Variants in TTPA observed in about 807,000 individuals in gnomAD.
TTPA encodes the protein alpha-tocopherol transfer protein.
Under a neutral mutation model 25.9 loss-of-function variants are expected in TTPA, and 23 were observed. The observed-to-expected ratio is 0.89, with a 90% CI of 0.64 to 1.26. The LOEUF is 1.26. Ranked by LOEUF, TTPA falls within the 50% of genes most tolerant of loss-of-function variation. TTPA has a pLI of 0.00. For synonymous variants in TTPA, 148 were observed against 137.3 expected, an observed-to-expected ratio of 1.08 and a Z score of -0.54; for missense variants, 337 against 353.1, an observed-to-expected ratio of 0.95 and a Z score of 0.37.
intron 1 of TTPA, among the ~76,000 whole-genome samples, chr8:63,081,824 G>C (rs184312251): frequency 6.6e-6 from 1 of 152,010 alleles, no homozygotes; most frequent in African/African-American, 2.4e-5. Flanking sequence ...TGCAAAAATC[G>C]CAAGCATTCC....
chr8:63,061,766 T>C (rs1454388932), intron 4 of TTPA, among the ~76,000 whole-genome samples: 1 of 152,240 alleles, frequency 6.6e-6, no homozygotes, highest in Non-Finnish European at 1.5e-5. Context: ...ACCAAACTAA[T>C]ACCTTGGGAC....
intron 1 of TTPA, among the ~76,000 whole-genome samples, chr8:63,073,501 G>A (rs527284148): frequency 6.6e-6 from 1 of 152,302 alleles, no homozygotes; most frequent in African/African-American, 2.4e-5. Flanking sequence ...AAGAAGCCTG[G>A]TACCTTCTGA....
At chr8:63,073,725 A>G (rs2129764706) in intron 1 of TTPA, among the ~76,000 whole-genome samples, 1 of 152,302 alleles carries the variant, frequency 6.6e-6, no homozygotes, top group East Asian at 1.9e-4. Context: ...TTCAGCCACT[A>G]ATTCTTGGAG....
At position 63,068,555 on chromosome 8, in the gene TTPA, G is replaced by A. The variant is rs183139854; in HGVS notation, c.359-2458C>T. Among the ~76,000 whole-genome samples the A allele has an allele frequency of 2.0e-3, 312 of 152,300 alleles. 2 individuals carry two copies. Among genetic ancestry groups the A allele is most frequent in the African/African-American group, 7.4e-3 (307 of 41,558 alleles). ...AAATCAAACTAGGGTGGGCTGAGGA[G>A]GAACTGTGAGAAAATGTGGATGGTG... On this transcript the variant is annotated intron_variant, in intron 2 of 4. Transcript: ENST00000260116.
At position 63,085,980 on chromosome 8, in the gene TTPA, G is replaced by T; in HGVS notation, c.42C>A (p.Leu14=). Residue 14 remains leucine, a synonymous_variant, in exon 1 of 5, where the codon CTC becomes CTA. Coordinates refer to ENST00000260116, the MANE Select transcript of TTPA (RefSeq NM_000370.3). The stretch of plus-strand genomic sequence containing the variant: ...ACGGAGAGTGGTCCGGTAGCGCGTT[G>T]AGCTGCGGCCCCGCCGAGGGCTGGG... The part of the protein sequence containing the change: ...ARSQPSAGPQ[L]NALPDHSPLL... The T allele has an allele frequency of 6.7e-7, 1 of 1,501,362 alleles. No homozygotes were observed. The highest frequency in any genetic ancestry group is 2.1e-5 in the Admixed American group (1 of 46,850). 93.0% of individuals were successfully genotyped at this position (1,501,362 alleles called of 1,614,324 possible). A position where few individuals can be genotyped will look rare whatever the true frequency, so the allele number is the denominator to read the frequency against.
At chr8:63,069,398 T>C (rs1805447321) in intron 2 of TTPA, among the ~76,000 whole-genome samples, 1 of 152,060 alleles carries the variant, frequency 6.6e-6, no homozygotes, top group Non-Finnish European at 1.5e-5. Context: ...GCTAATATGG[T>C]AGCCATTAGC....
At chr8:63,077,455 C>A (rs1016994689) in intron 1 of TTPA, among the ~76,000 whole-genome samples, 5 of 152,226 alleles carry the variant, frequency 3.3e-5, no homozygotes, top group African/African-American at 1.2e-4. Context: ...CACTTCCACC[C>A]AAATACTGCA....
At chr8:63,061,818 A>C (rs1222908849) in intron 4 of TTPA, among the ~76,000 whole-genome samples, 3 of 152,234 alleles carry the variant, frequency 2.0e-5, no homozygotes, top group Non-Finnish European at 4.4e-5. Flanking sequence ...GTACTAATTC[A>C]TATTAAGTAG....
At chr8:63,066,209 T>A in intron 2 of TTPA, 112 bp from the exon 3 acceptor site, 1 of 1,103,596 alleles carries the variant, frequency 9.1e-7, no homozygotes, top group Non-Finnish European at 1.3e-6. Context: ...TAAAAACATC[T>A]ACAAAGATCA....
rs186744195 is a variant in TTPA at position 63,067,986 on chromosome 8, G to A, written c.359-1889C>T. On this transcript the variant is annotated intron_variant, in intron 2 of 4. Coordinates refer to ENST00000260116, the MANE Select transcript of TTPA (RefSeq NM_000370.3). ...CTGTGTAGTACTCCATGGTGTACAC[G>A]CAGTACCATTTATTGAGATAAGAGA... Among the ~76,000 whole-genome samples the A allele has an allele frequency of 1.8e-4, 28 of 152,256 alleles. No individual in the cohort carries two copies. The East Asian group carries it at 4.2e-3, about 23-fold the overall frequency.
chr8:63,085,177 A>G (rs1805728566), intron 1 of TTPA, among the ~76,000 whole-genome samples: 1 of 152,218 alleles, frequency 6.6e-6, no homozygotes, highest in African/African-American at 2.4e-5. Flanking sequence ...GACAGAACTC[A>G]AGGTCGCATC....
At chr8:63,067,871 G>A (rs964046878) in intron 2 of TTPA, among the ~76,000 whole-genome samples, 4 of 152,164 alleles carry the variant, frequency 2.6e-5, no homozygotes, top group South Asian at 4.2e-4. Context: ...GTGGTATTTC[G>A]TTTTCTGTTC....
At chr8:63,082,570 C>A (rs576577640) in intron 1 of TTPA, among the ~76,000 whole-genome samples, 1 of 152,260 alleles carries the variant, frequency 6.6e-6, no homozygotes, top group East Asian at 1.9e-4. Context: ...ACCATTCAGG[C>A]CATAGGTGTG....
chr8:63,085,459 T>C (rs1805733766), intron 1 of TTPA, among the ~76,000 whole-genome samples: 2 of 152,254 alleles, frequency 1.3e-5, no homozygotes, highest in South Asian at 4.1e-4. Context: ...GCTGTTACTT[T>C]GTTTGTACCA....
At chr8:63,062,369 C>T (rs1805320729) in intron 4 of TTPA, among the ~76,000 whole-genome samples, 1 of 152,098 alleles carries the variant, frequency 6.6e-6, no homozygotes, top group Non-Finnish European at 1.5e-5. Flanking sequence ...AAATAAATAA[C>T]CTTTTTTCAC....
chr8:63,083,507 G>A (rs1299075348), intron 1 of TTPA, among the ~76,000 whole-genome samples: 1 of 151,986 alleles, frequency 6.6e-6, no homozygotes, highest in East Asian at 1.9e-4. Context: ...GCTGGGGGAG[G>A]GATAGCATTA....
intron 1 of TTPA, among the ~76,000 whole-genome samples, chr8:63,077,015 CAA>C (rs1265417029): frequency 6.6e-6 from 1 of 151,582 alleles, no homozygotes; most frequent in Admixed American, 6.6e-5. Flanking sequence ...CAGAGGCAAT[CAA>C]AGACTAATAA....
chr8:63,080,962 G>A (rs750724702), intron 1 of TTPA, among the ~76,000 whole-genome samples: 1 of 149,820 alleles, frequency 6.7e-6, no homozygotes, highest in Non-Finnish European at 1.5e-5. Context: ...TTGAATCTCT[G>A]AATAGACCAA....
Position 63,061,280 on chromosome 8 carries a change from AGATAATCT to A in TTPA, c.801_808del (p.Glu267AspfsTer6), listed in dbSNP as rs1350160606. 1 of 1,613,810 alleles carries A rather than the reference AGATAATCT, an allele frequency of 6.2e-7. No individual in the cohort carries two copies. Among genetic ancestry groups the A allele is most frequent in the Non-Finnish European group, 8.5e-7 (1 of 1,179,924 alleles). ...TTGAATGCTCTCAGAAATGCTGCTG[AGATAATCT>A]TCAGACTTCATTATAAAATTTGTCC... On this transcript the variant is annotated frameshift_variant, in exon 5 of 5. Coordinates refer to ENST00000260116, the MANE Select transcript of TTPA (RefSeq NM_000370.3). LOFTEE classifies it high-confidence loss of function.
Sources: allele counts gnomAD v4.1 joint callset (sites outside exome capture counted in the v4.1 genomes callset), GRCh38; gene constraint gnomAD v4.1.1; transcripts MANE v1.5; gene names NCBI Gene and HGNC (gene_info 2026-07-23, HGNC 2026-07-21).